The following BEND6 variants were observed in gnomAD, a reference collection of about 807,000 sequenced individuals.
BEND6 encodes BEN domain-containing protein 6.
A neutral mutation model predicts 31.8 loss-of-function variants in BEND6; 24 were observed. The ratio of observed to expected loss-of-function variants is 0.75; its 90% confidence interval spans 0.55 to 1.06. BEND6 has a LOEUF of 1.06. Ranked by LOEUF, BEND6 falls within the 50% of genes least tolerant of loss-of-function variation. The pLI is 0.00. For synonymous variants in BEND6, 109 were observed against 114.6 expected (o/e 0.95, Z 0.31); for missense variants, 294 against 327.4 (o/e 0.90, Z 0.79).
chr6:56,974,107 A>C (rs1346644821), intron 1 of BEND6, among the ~76,000 whole-genome samples: 1 of 152,204 alleles, frequency 6.6e-6, no homozygotes, highest in Non-Finnish European at 1.5e-5. Flanking sequence ...TTCAGACTGT[A>C]GTTCACTGCA....
At position 56,975,839 on chromosome 6, in the gene BEND6, A is replaced by G. The variant is rs1166324097; in HGVS notation, c.-100-5872A>G. 10 of 530,222 alleles carry G rather than the reference A, an allele frequency of 1.9e-5. No individual in the cohort carries two copies. In the East Asian group the frequency reaches 5.0e-4, roughly 27 times the overall value. The allele number at this position is 530,222 out of a possible 1,614,324, so 32.8% of individuals were successfully genotyped here. A position where few individuals can be genotyped will look rare whatever the true frequency, so the allele number is the denominator to read the frequency against. On this transcript the variant is annotated intron_variant, in intron 1 of 6. Coordinates refer to ENST00000370746, the MANE Select transcript of BEND6 (RefSeq NM_152731.3). The stretch of plus-strand genomic sequence containing the variant: ...ATTTACTCTGTAGGCCAAGAAAGCT[A>G]CTGACCTCTAATGCCTATGTTCATC...
chr6:57,024,993 T>C (rs1827859290), intron 6 of BEND6, among the ~76,000 whole-genome samples: 1 of 152,238 alleles, frequency 6.6e-6, no homozygotes, highest in South Asian at 2.1e-4. Context: ...CATTCTGCTG[T>C]TGAGAGCCTC....
At chr6:56,984,848 A>G (rs1253823382) in intron 2 of BEND6, among the ~76,000 whole-genome samples, 1 of 152,238 alleles carries the variant, frequency 6.6e-6, no homozygotes, top group Non-Finnish European at 1.5e-5. Context: ...TCTGTCAAGA[A>G]CACTTAAAGA....
intron 6 of BEND6, among the ~76,000 whole-genome samples, chr6:57,024,927 T>G (rs1286182506): frequency 6.6e-6 from 1 of 152,196 alleles, no homozygotes; most frequent in Non-Finnish European, 1.5e-5. Context: ...CTCCTCTGAC[T>G]GTATATTTTC....
chr6:56,977,271 T>G (rs991267602), intron 1 of BEND6, among the ~76,000 whole-genome samples: 2 of 152,252 alleles, frequency 1.3e-5, no homozygotes, highest in Non-Finnish European at 2.9e-5. Context: ...TCAGTTTTTA[T>G]TGTTTCTTAA....
chr6:56,991,841 C>T (rs1272624834), intron 2 of BEND6, among the ~76,000 whole-genome samples: 6 of 152,222 alleles, frequency 3.9e-5, no homozygotes, highest in Admixed American at 2.0e-4. Flanking sequence ...CCACACTCCC[C>T]TCCACAGGTA....
intron 1 of BEND6, among the ~76,000 whole-genome samples, chr6:56,980,948 A>G (rs2127851923): frequency 6.6e-6 from 1 of 152,266 alleles, no homozygotes; most frequent in Admixed American, 6.5e-5. Context: ...GTTAAATTTC[A>G]TCATTTAACA....
At position 57,013,064 on chromosome 6, in the gene BEND6, GCTT is replaced by G. The variant is rs1417086218; in HGVS notation, c.299-2062_299-2060del. ...CCCCATCCTGGGTCAAGCACCTGATGCTTCTTCTTTGTGGCGTTTAAGAATTGT... is the reference window on the plus strand; with the variant it reads ...CCCCATCCTGGGTCAAGCACCTGATGCTTCTTTGTGGCGTTTAAGAATTGT... On this transcript the variant is annotated intron_variant, in intron 3 of 6. Transcript: ENST00000370746. Among the ~76,000 whole-genome samples the G allele has an allele frequency of 3.3e-4, 51 of 152,262 alleles. 1 individual carries two copies. The highest frequency in any genetic ancestry group is 3.4e-3 in the Middle Eastern group (1 of 294).
At chr6:57,018,365 C>T in intron 5 of BEND6, 56 bp from the exon 6 acceptor site, 1 of 1,530,920 alleles carries the variant, frequency 6.5e-7, no homozygotes, top group South Asian at 1.3e-5. Context: ...CAGTTCATAC[C>T]CTAAGATGCA....
chr6:56,994,589 A>T (rs1262864663), intron 3 of BEND6, among the ~76,000 whole-genome samples: 1 of 151,614 alleles, frequency 6.6e-6, no homozygotes, highest in Non-Finnish European at 1.5e-5. Context: ...AGGTTTCCTC[A>T]TCCAAAAAGC....
intron 2 of BEND6, among the ~76,000 whole-genome samples, chr6:56,982,564 T>C (rs1477925011): frequency 1.3e-5 from 2 of 152,330 alleles, no homozygotes; most frequent in African/African-American, 4.8e-5. Flanking sequence ...TTTATTTCTG[T>C]ATCTTTTTAT....
At chr6:56,964,209 G>A (rs769745691) in intron 1 of BEND6, among the ~76,000 whole-genome samples, 46 of 152,034 alleles carry the variant, frequency 3.0e-4, no homozygotes, top group Non-Finnish European at 8.8e-5. Context: ...TAAAGCCTAT[G>A]ATTGTAAGTA....
At chr6:56,990,248 T>G (rs1826442403) in intron 2 of BEND6, among the ~76,000 whole-genome samples, 1 of 147,668 alleles carries the variant, frequency 6.8e-6, no homozygotes, top group African/African-American at 2.5e-5. Context: ...GCCACTCGCT[T>G]CTTTTTTTTT....
intron 2 of BEND6, among the ~76,000 whole-genome samples, chr6:56,986,412 C>G (rs887767597): frequency 6.6e-6 from 1 of 151,254 alleles, no homozygotes; most frequent in Non-Finnish European, 1.5e-5. Flanking sequence ...CACTCCAGCC[C>G]GGGCAAAAGA....
At chr6:57,016,362 T>C (rs546235742) in intron 4 of BEND6, among the ~76,000 whole-genome samples, 8 of 152,356 alleles carry the variant, frequency 5.3e-5, no homozygotes, top group African/African-American at 1.9e-4. Context: ...CCAAATTTAT[T>C]ATCTTAGAGT....
Position 56,981,747 on chromosome 6 carries a change from A to T in BEND6, c.-64A>T. On this transcript the variant is annotated 5_prime_UTR_variant, in exon 2 of 7. Coordinates refer to ENST00000370746, the MANE Select transcript of BEND6 (RefSeq NM_152731.3). ...ACTTTTGAGCTACGTCCAGAATAGC[A>T]TCATCTTCATGGGTATTCCCTACTC... 1 of 1,573,866 alleles carries T rather than the reference A, an allele frequency of 6.4e-7. No individual in the cohort carries two copies.
chr6:56,979,414 A>G (rs1394287253), intron 1 of BEND6, among the ~76,000 whole-genome samples: 2 of 152,230 alleles, frequency 1.3e-5, no homozygotes, highest in African/African-American at 4.8e-5. Context: ...AAATGGTTAA[A>G]ACGGTGAATT....
chr6:56,977,992 T>C (rs188361734), intron 1 of BEND6, among the ~76,000 whole-genome samples: 2 of 151,276 alleles, frequency 1.3e-5, no homozygotes, highest in Non-Finnish European at 1.5e-5. Context: ...CAACCAAGTA[T>C]GGTGGCTCAT....
intron 1 of BEND6, among the ~76,000 whole-genome samples, chr6:56,972,086 C>CTTTTTTTTTTTTTTTTTTTTTTTTTTTT (rs35524907): frequency 1.6e-5 from 1 of 62,530 alleles, no homozygotes. Context: ...ACTTTACTTT[C>CTTTTTTTTTTTTTTTTTTTTTTTTTTTT]TTTTTTTTTT....
Sources: gnomAD v4.1 joint callset for allele counts (sites outside exome capture counted in the v4.1 genomes callset) on GRCh38, gnomAD v4.1.1 for gene constraint, MANE v1.5 for transcripts, NCBI Gene and HGNC (gene_info 2026-07-23, HGNC 2026-07-21) for gene names.